The following TMEM273 variants were observed in gnomAD, a reference collection of about 807,000 sequenced individuals.
TMEM273 encodes transmembrane protein 273, also known as chromosome 10 open reading frame 128.
In TMEM273, 19 loss-of-function variants were observed where a neutral mutation model predicts 17.9. That is an observed-to-expected ratio of 1.06 (90% CI 0.74 to 1.55). The LOEUF (loss-of-function observed/expected upper bound fraction) is 1.55. Among genes scored for constraint, TMEM273 ranks in the 40% most tolerant of loss-of-function variants. The pLI is 0.00. For missense variants in TMEM273, 194 were observed against 155.6 expected (o/e 1.25, Z -1.31); for synonymous variants, 66 against 62.0 (o/e 1.07, Z -0.31).
chr10:49,162,703 C>T (rs1845922183), intron 5 of TMEM273, among the ~76,000 whole-genome samples: 1 of 152,156 alleles, frequency 6.6e-6, no homozygotes, highest in South Asian at 2.1e-4. Context: ...CCTAAGCACC[C>T]AGCAGAGGGC....
At position 49,161,637 on chromosome 10, in the gene TMEM273, A is replaced by G. The variant is rs764809337; in HGVS notation, c.349-15T>C. On this transcript the variant is annotated splice_polypyrimidine_tract_variant and intron_variant, in intron 5 of 6. Transcript: ENST00000374153. The stretch of plus-strand genomic sequence containing the variant: ...TGTGGTTTCGCCTGCAAAACAAGAT[A>G]AAAGGGTGTTCATTGCCTAAGCCTT... 3.3e-5 allele frequency: 53 copies of G among 1,614,058 alleles called. No homozygotes were observed. The highest frequency in any genetic ancestry group is 2.8e-5 in the Non-Finnish European group (33 of 1,179,998).
intron 6 of TMEM273, among the ~76,000 whole-genome samples, chr10:49,158,884 T>C (rs1480636211): frequency 1.3e-5 from 2 of 152,150 alleles, no homozygotes; most frequent in Admixed American, 1.3e-4. Context: ...ACCATCCAAG[T>C]GCTGGGAAAA....
chr10:49,184,991 T>C (rs1163629894), intron 1 of TMEM273, among the ~76,000 whole-genome samples: 1 of 152,162 alleles, frequency 6.6e-6, no homozygotes, highest in Non-Finnish European at 1.5e-5. Flanking sequence ...CTATGGCGGA[T>C]TCCTGCAGTT....
At chr10:49,163,153 AAGAGCTGGCCAGCATGG>A (rs1845950520) in intron 5 of TMEM273, among the ~76,000 whole-genome samples, 2 of 152,174 alleles carry the variant, frequency 1.3e-5, no homozygotes, top group Admixed American at 6.5e-5. Context: ...GAGGGGTGTG[AAGAGCTGGCCAGCATGG>A]AACTCTACTC....
intron 1 of TMEM273, among the ~76,000 whole-genome samples, chr10:49,180,870 A>G (rs1847300534): frequency 6.6e-6 from 1 of 152,232 alleles, no homozygotes; most frequent in Non-Finnish European, 1.5e-5. Flanking sequence ...AAGCAAGAAT[A>G]TCTACCGTCA....
chr10:49,178,418 G>A (rs1431435747), intron 1 of TMEM273: 3 of 412,846 alleles, frequency 7.3e-6, no homozygotes, highest in Middle Eastern at 4.2e-4. Flanking sequence ...CCTGACGGTG[G>A]TGACAGTACA....
At position 49,161,645 on chromosome 10, in the gene TMEM273, G is replaced by A. The variant is rs368673210; in HGVS notation, c.349-23C>T. ...CGCCTGCAAAACAAGATAAAAGGGTGTTCATTGCCTAAGCCTTAGAAGCCA... is the reference window on the plus strand; with the variant it reads ...CGCCTGCAAAACAAGATAAAAGGGTATTCATTGCCTAAGCCTTAGAAGCCA... On this transcript the variant is annotated intron_variant, in intron 5 of 6. Coordinates refer to ENST00000374153, the MANE Select transcript of TMEM273 (RefSeq NM_001288740.3). The A allele has an allele frequency of 1.5e-5, 24 of 1,614,184 alleles. No individual in the cohort carries two copies. The African/African-American group carries it at 2.7e-4, about 18-fold the overall frequency.
chr10:49,158,857 T>C (rs1183937932), intron 6 of TMEM273, among the ~76,000 whole-genome samples: 1 of 152,106 alleles, frequency 6.6e-6, no homozygotes, highest in Non-Finnish European at 1.5e-5. Context: ...GGATCAGACA[T>C]CTAAGTAAAC....
intron 1 of TMEM273, among the ~76,000 whole-genome samples, chr10:49,170,628 T>G (rs955493448): frequency 3.3e-5 from 5 of 152,156 alleles, no homozygotes; most frequent in Non-Finnish European, 4.4e-5. Flanking sequence ...GAGACCAACG[T>G]GGGCAGATAA....
In TMEM273 at chr10:49,166,754, C is replaced by T. The variant is rs750488629; in HGVS notation, c.238+115G>A. 1.3e-5 allele frequency: 19 copies of T among 1,489,098 alleles called. 1 individual carries two copies. In the South Asian group the frequency reaches 1.7e-4, roughly 13 times the overall value. The allele number at this position is 1,489,098 out of a possible 1,614,324, so 92.2% of individuals were successfully genotyped here. ...ATGCAGAGGTCACTGCCTTCCTTTA[C>T]AGCCTGTTGGGCTCTGCGCTTGTGG... On this transcript the variant is annotated intron_variant, in intron 3 of 6. Transcript: ENST00000374153.
chr10:49,182,983 A>G (rs1205651275), intron 1 of TMEM273, among the ~76,000 whole-genome samples: 3 of 152,078 alleles, frequency 2.0e-5, no homozygotes, highest in East Asian at 1.9e-4. Context: ...TTCTGTGGGG[A>G]AAAAAGGTGG....
At chr10:49,185,529 G>A (rs1236430053) in intron 1 of TMEM273, among the ~76,000 whole-genome samples, 4 of 152,152 alleles carry the variant, frequency 2.6e-5, no homozygotes, top group Non-Finnish European at 5.9e-5. Flanking sequence ...AGTCAATAAA[G>A]GGGAAGCCCA....
chr10:49,172,245 G>T (rs1846623639), intron 1 of TMEM273, among the ~76,000 whole-genome samples: 1 of 152,136 alleles, frequency 6.6e-6, no homozygotes, highest in East Asian at 1.9e-4. Flanking sequence ...GGGGGCCCCA[G>T]TGCCTAGGAG....
At chr10:49,155,954 C>G in intron 6 of TMEM273, 45 bp from the exon 7 acceptor site, 11 of 1,613,606 alleles carry the variant, frequency 6.8e-6, no homozygotes, top group Non-Finnish European at 9.3e-6. Context: ...GAGAGAGCAA[C>G]TATACTCTAA....
chr10:49,155,821 C>A lies in TMEM273; in HGVS notation c.*71G>T, dbSNP rs1234371130. The A allele has an allele frequency of 3.1e-6, 5 of 1,612,550 alleles. No individual in the cohort carries two copies. The highest frequency in any genetic ancestry group is 4.2e-6 in the Non-Finnish European group (5 of 1,179,052). ...CCTTGGGTGTTTGAATGCAGAACAT[C>A]CTGAGATGTTAACCATGGGCTGTTT... On this transcript the variant is annotated 3_prime_UTR_variant, in exon 7 of 7. Coordinates refer to ENST00000374153, the MANE Select transcript of TMEM273 (RefSeq NM_001288740.3).
intron 1 of TMEM273, among the ~76,000 whole-genome samples, chr10:49,172,854 G>A (rs1229241751): frequency 6.6e-6 from 1 of 152,220 alleles, no homozygotes; most frequent in East Asian, 1.9e-4. Context: ...GCAAAGTGGG[G>A]GAGCCAAGCA....
At chr10:49,158,780 A>G (rs1845668162) in intron 6 of TMEM273, among the ~76,000 whole-genome samples, 2 of 152,342 alleles carry the variant, frequency 1.3e-5, no homozygotes, top group South Asian at 2.1e-4. Context: ...GAATAATTCA[A>G]TTGCCATTTG....
intron 6 of TMEM273, among the ~76,000 whole-genome samples, chr10:49,157,037 T>C (rs189129640): frequency 6.6e-6 from 1 of 152,204 alleles, no homozygotes; most frequent in Non-Finnish European, 1.5e-5. Flanking sequence ...TCCTTCCTAG[T>C]GCCTTTAACA....
intron 3 of TMEM273, 188 bp downstream of exon 3, chr10:49,166,681 C>T (rs577348126): frequency 2.7e-6 from 2 of 751,862 alleles, no homozygotes; most frequent in Middle Eastern, 2.3e-4. Flanking sequence ...GAGATAGAGA[C>T]AGAAGAAAGA....
Sources: gnomAD v4.1 joint callset for allele counts (sites outside exome capture counted in the v4.1 genomes callset) on GRCh38, gnomAD v4.1.1 for gene constraint, MANE v1.5 for transcripts, NCBI Gene and HGNC (gene_info 2026-07-23, HGNC 2026-07-21) for gene names.